Variants in DMD observed in about 807,000 individuals in gnomAD.
DMD encodes the protein dystrophin, also known as mutant dystrophin.
A neutral mutation model predicts 330.1 loss-of-function variants in DMD; 63 were observed. The ratio of observed to expected loss-of-function variants is 0.19; its 90% CI spans 0.16 to 0.24. The LOEUF (loss-of-function observed/expected upper bound fraction) is 0.24. Among genes scored for constraint, DMD ranks in the 10% least tolerant of loss-of-function variants. The probability of loss-of-function intolerance (pLI) is 1.00; values close to 1 mark genes in which losing one functional copy is unlikely to be tolerated. For synonymous variants in DMD, 1,223 were observed against 959.8 expected (o/e 1.27, Z -5.07); for missense variants, 3,344 against 2,684.1 (o/e 1.25, Z -5.43).
chrX:32,533,799 T>C (rs1314441739), intron 17 of DMD, among the ~76,000 whole-genome samples: 3 of 112,109 alleles, frequency 2.7e-5, no homozygotes, highest in African/African-American at 9.7e-5. Flanking sequence ...CATTGGATGA[T>C]GACTTGGACC....
intron 1 of DMD, among the ~76,000 whole-genome samples, chrX:33,083,653 G>C (rs2094962866): frequency 8.9e-6 from 1 of 111,756 alleles, no homozygotes; most frequent in Non-Finnish European, 1.9e-5. Flanking sequence ...GCAAAGACAA[G>C]AGGGACAGAA....
intron 43 of DMD, among the ~76,000 whole-genome samples, chrX:32,270,144 T>C (rs2097360151): frequency 8.9e-6 from 1 of 112,180 alleles, no homozygotes. Context: ...GTATGGAAAG[T>C]CATGATGCTA....
intron 44 of DMD, among the ~76,000 whole-genome samples, chrX:31,976,085 C>T (rs774307569): frequency 1.8e-5 from 2 of 109,717 alleles, no homozygotes; most frequent in Non-Finnish European, 3.8e-5. Flanking sequence ...TGGAGGAGCC[C>T]GGGAATAGAA....
At chrX:31,610,996 G>GA (rs746242634) in intron 55 of DMD, among the ~76,000 whole-genome samples, 1 of 110,325 alleles carries the variant, frequency 9.1e-6, no homozygotes, top group South Asian at 3.9e-4. Flanking sequence ...GATACCAAAT[G>GA]AAAAAAATGC....
At position 32,868,267 on chromosome X, in the gene DMD, C is replaced by G. The variant is rs772279091; in HGVS notation, c.94-18447G>C. Among the ~76,000 whole-genome samples the G allele has an allele frequency of 3.6e-3, 407 of 112,105 alleles. 3 individuals carry two copies. Among genetic ancestry groups the G allele is most frequent in the African/African-American group, 0.012 (383 of 30,836 alleles). ...AGCCCATGCCAACAGGGCCTTGGGT[C>G]TCAAAACACAGCTGTGCAGATTCTC... On this transcript the variant is annotated intron_variant, in intron 2 of 78. Transcript: ENST00000357033.
chrX:32,028,557 A>G (rs1639280391), intron 44 of DMD, among the ~76,000 whole-genome samples: 1 of 111,844 alleles, frequency 8.9e-6, no homozygotes. Flanking sequence ...TTCTGGTACT[A>G]CAGAAGCTAA....
chrX:32,698,108 G>C (rs914390470), intron 8 of DMD, 110 bp from the exon 9 acceptor site: 24 of 865,106 alleles, frequency 2.8e-5, no homozygotes, highest in Non-Finnish European at 3.7e-5. Context: ...AATGGAAATG[G>C]TGAGATTCAA....
intron 2 of DMD, among the ~76,000 whole-genome samples, chrX:32,903,782 A>T (rs1450563569): frequency 8.9e-6 from 1 of 111,838 alleles, no homozygotes; most frequent in Admixed American, 9.6e-5. Flanking sequence ...AGAAGACCTG[A>T]AGATCTAAAG....
intron 61 of DMD, among the ~76,000 whole-genome samples, chrX:31,336,670 C>T (rs2057419646): frequency 9.0e-6 from 1 of 111,515 alleles, no homozygotes; most frequent in African/African-American, 3.3e-5. Flanking sequence ...GATGCTTTGT[C>T]TTGGAGAGCT....
intron 60 of DMD, among the ~76,000 whole-genome samples, chrX:31,385,463 A>G (rs1265355384): frequency 8.9e-6 from 1 of 112,062 alleles, no homozygotes; most frequent in Non-Finnish European, 1.9e-5. Flanking sequence ...GTTCACAAAC[A>G]TGGATATATT....
At chrX:31,312,695 A>G (rs915667060) in intron 62 of DMD, among the ~76,000 whole-genome samples, 1 of 112,334 alleles carries the variant, frequency 8.9e-6, no homozygotes, top group African/African-American at 3.2e-5. Flanking sequence ...TAGCAAAGAC[A>G]TGGAACCAAC....
intron 47 of DMD, among the ~76,000 whole-genome samples, chrX:31,897,292 T>C (rs1345185257): frequency 7.2e-5 from 8 of 111,553 alleles, no homozygotes; most frequent in Non-Finnish European, 1.5e-4. Flanking sequence ...ATGGTGTATA[T>C]GTGCCACATT....
intron 43 of DMD, among the ~76,000 whole-genome samples, chrX:32,270,078 G>T (rs1326776363): frequency 1.8e-5 from 2 of 112,177 alleles, no homozygotes; most frequent in African/African-American, 6.5e-5. Context: ...TTCTTCAAGG[G>T]TATCCTGTGA....
chrX:32,338,769 G>A (rs1184603494), intron 41 of DMD, among the ~76,000 whole-genome samples: 1 of 111,431 alleles, frequency 9.0e-6, no homozygotes, highest in African/African-American at 3.3e-5. Context: ...TGGGCTCTCT[G>A]AGGTTATTTT....
intron 52 of DMD, among the ~76,000 whole-genome samples, chrX:31,682,684 TA>T (rs1041454375): frequency 8.0e-5 from 9 of 112,309 alleles, no homozygotes; most frequent in African/African-American, 2.9e-4. Context: ...TGACATTCCT[TA>T]AAAATAGTCT....
At chrX:31,400,986 GA>G in intron 60 of DMD, among the ~76,000 whole-genome samples, 1 of 111,746 alleles carries the variant, frequency 8.9e-6, no homozygotes. Context: ...TAAAGACTTT[GA>G]AACAACCAGA....
At chrX:31,265,224 T>C (rs1029206913) in intron 62 of DMD, among the ~76,000 whole-genome samples, 1 of 112,683 alleles carries the variant, frequency 8.9e-6, no homozygotes, top group Non-Finnish European at 1.9e-5. Context: ...TGATTTCCCT[T>C]TAATCTGAGG....
chrX:32,839,764 T>A (rs1449604192), intron 4 of DMD, among the ~76,000 whole-genome samples: 1 of 109,397 alleles, frequency 9.1e-6, no homozygotes. Context: ...CAGGCTGGAG[T>A]GCAGTGGCAC....
In DMD at chrX:32,490,422, C is replaced by T. The variant is rs2042887884; in HGVS notation, c.2622+855G>A. 2.7e-5 allele frequency among the ~76,000 whole-genome samples: 3 copies of T among 111,490 alleles called. No individual in the cohort carries two copies. The Admixed American group carries it at 2.9e-4, about 11-fold the overall frequency. On this transcript the variant is annotated intron_variant, in intron 20 of 78. Coordinates refer to ENST00000357033, the MANE Select transcript of DMD (RefSeq NM_004006.3). ...TTTCTCAGGCCCTTTTGTCCACTTA[C>T]ATCTTGTTTGCCCCTCCAGATCCAC...
Sources: gnomAD v4.1 joint callset for allele counts (sites outside exome capture counted in the v4.1 genomes callset) on GRCh38, gnomAD v4.1.1 for gene constraint, MANE v1.5 for transcripts, NCBI Gene and HGNC (gene_info 2026-07-23, HGNC 2026-07-21) for gene names.